STPG2: variants seen among roughly 807,000 people sequenced by gnomAD.
STPG2 encodes the protein sperm tail PG-rich repeat containing 2, also known as sperm-tail PG-rich repeat-containing protein 2.
A neutral mutation model predicts 54.2 loss-of-function variants in STPG2; 56 were observed. The ratio of observed to expected loss-of-function variants is 1.03; its 90% CI spans 0.83 to 1.29. The LOEUF (loss-of-function observed/expected upper bound fraction) is 1.29. STPG2 is among the 50% of genes most tolerant of loss of function. The pLI is 0.00. For synonymous variants in STPG2, 200 were observed against 181.8 expected, an observed-to-expected ratio of 1.10 and a Z score of -0.81; for missense variants, 596 against 544.9, an observed-to-expected ratio of 1.09 and a Z score of -0.93.
chr4:98,121,993 T>G (rs1213260718), intron 3 of STPG2, among the ~76,000 whole-genome samples: 1 of 152,180 alleles, frequency 6.6e-6, no homozygotes, highest in Non-Finnish European at 1.5e-5. Flanking sequence ...GTGCTGGGAC[T>G]ACAAGCGTGA....
At chr4:98,084,542 C>T (rs1738448753) in intron 5 of STPG2, among the ~76,000 whole-genome samples, 1 of 152,140 alleles carries the variant, frequency 6.6e-6, no homozygotes, top group Non-Finnish European at 1.5e-5. Context: ...CCAAATTTTT[C>T]CAGAGTGAGT....
chr4:97,758,361 T>C (rs1725791978), intron 9 of STPG2, among the ~76,000 whole-genome samples: 1 of 152,070 alleles, frequency 6.6e-6, no homozygotes, highest in African/African-American at 2.4e-5. Context: ...AGCAAAGACT[T>C]GGAACCAACC....
chr4:98,128,799 G>A (rs556472288), intron 2 of STPG2, among the ~76,000 whole-genome samples: 13 of 152,034 alleles, frequency 8.6e-5, no homozygotes, highest in African/African-American at 2.9e-4. Context: ...GTACAATCTT[G>A]GCTCACTGCA....
chr4:97,830,615 G>A (rs763374385), intron 9 of STPG2, among the ~76,000 whole-genome samples: 3 of 152,114 alleles, frequency 2.0e-5, no homozygotes, highest in African/African-American at 7.2e-5. Context: ...TTGGTGTGTT[G>A]TATTCAGGAG....
rs926291973 is a variant in STPG2, at chr4:97,595,789, G to A, written c.1321-36672C>T. On this transcript the variant is annotated intron_variant, in intron 10 of 10. Coordinates refer to ENST00000295268, the MANE Select transcript of STPG2 (RefSeq NM_174952.3). The stretch of plus-strand genomic sequence containing the variant: ...GGAGGTGCTCAGTATAAAAATGAAA[G>A]ACAATTACTTGCCACCACAAAAACA... 2.6e-5 allele frequency among the ~76,000 whole-genome samples: 4 copies of A among 152,008 alleles called. No homozygotes were observed. In the East Asian group the frequency reaches 5.8e-4, roughly 22 times the overall value.
chr4:97,916,293 G>A (rs1025912958), intron 8 of STPG2: 1 of 152,596 alleles, frequency 6.6e-6, no homozygotes, highest in Non-Finnish European at 1.5e-5. Flanking sequence ...ATCAGGTTTT[G>A]GGGAAATATG....
At chr4:97,931,932 G>T (rs1278818904) in intron 8 of STPG2, among the ~76,000 whole-genome samples, 1 of 151,954 alleles carries the variant, frequency 6.6e-6, no homozygotes, top group Non-Finnish European at 1.5e-5. Flanking sequence ...CTCATTATTG[G>T]TCTGTGCAGG....
chr4:97,603,856 A>T (rs1304572647), intron 10 of STPG2, among the ~76,000 whole-genome samples: 1 of 151,620 alleles, frequency 6.6e-6, no homozygotes, highest in Non-Finnish European at 1.5e-5. Flanking sequence ...TGAGTTGCTT[A>T]ATGGATATAA....
chr4:98,020,997 G>GT (rs1053721587), intron 5 of STPG2, among the ~76,000 whole-genome samples: 21 of 152,130 alleles, frequency 1.4e-4, no homozygotes, highest in African/African-American at 5.1e-4. Flanking sequence ...TCTTTGAAGG[G>GT]TTTTTTGTGT....
At chr4:97,705,510 G>A (rs1397522487) in intron 10 of STPG2, among the ~76,000 whole-genome samples, 3 of 151,784 alleles carry the variant, frequency 2.0e-5, no homozygotes, top group South Asian at 2.1e-4. Context: ...ATCTTTAGTC[G>A]AGACGGGGTT....
intron 9 of STPG2, among the ~76,000 whole-genome samples, chr4:97,822,135 C>T (rs1274396897): frequency 6.6e-6 from 1 of 152,124 alleles, no homozygotes; most frequent in African/African-American, 2.4e-5. Flanking sequence ...CTTTTTTGCT[C>T]CTGCATCTGA....
chr4:97,607,233 A>G (rs1358130695), intron 10 of STPG2, among the ~76,000 whole-genome samples: 1 of 151,628 alleles, frequency 6.6e-6, no homozygotes, highest in Non-Finnish European at 1.5e-5. Flanking sequence ...CCAATGCCTC[A>G]GAATATTTTA....
intron 5 of STPG2, among the ~76,000 whole-genome samples, chr4:98,056,138 G>A (rs1027419671): frequency 1.3e-5 from 2 of 152,112 alleles, no homozygotes; most frequent in East Asian, 3.9e-4. Context: ...CTATTGCAGA[G>A]GAAGCCTTGG....
intron 8 of STPG2, among the ~76,000 whole-genome samples, chr4:97,860,957 C>G (rs11938937): frequency 0.16 from 24,547 of 151,976 alleles, 2,151 homozygotes; most frequent in East Asian, 0.36. Flanking sequence ...TGAGTAATAC[C>G]CTACAAGCAC....
Position 97,600,633 on chromosome 4 carries a change from C to A in STPG2, c.1321-41516G>T, listed in dbSNP as rs185837593. On this transcript the variant is annotated intron_variant, in intron 10 of 10. Coordinates refer to ENST00000295268, the MANE Select transcript of STPG2 (RefSeq NM_174952.3). ...TTATCTGTGGATGACACTGTGTGAG[C>A]AAACTAATGAGGCAGTGTCTAGAAG... is the stretch of plus-strand genomic sequence containing the variant. Among the ~76,000 whole-genome samples the A allele has an allele frequency of 8.9e-4, 136 of 152,058 alleles. 1 individual carries two copies. Among genetic ancestry groups the A allele is most frequent in the Admixed American group, 8.8e-3 (135 of 15,282 alleles).
intron 5 of STPG2, among the ~76,000 whole-genome samples, chr4:98,021,039 GT>G (rs1353963919): frequency 6.6e-6 from 1 of 152,046 alleles, no homozygotes; most frequent in Non-Finnish European, 1.5e-5. Flanking sequence ...TCTGATTTTA[GT>G]TATTTCTTGC....
At chr4:97,506,510 C>T (rs949720377) in intron 4 of STPG2, among the ~76,000 whole-genome samples, 5 of 150,718 alleles carry the variant, frequency 3.3e-5, no homozygotes, top group Non-Finnish European at 7.4e-5. Flanking sequence ...ATTCTTTAGG[C>T]AGAAATAAAA....
chr4:97,784,894 G>T (rs781128514), intron 9 of STPG2, among the ~76,000 whole-genome samples: 2 of 151,912 alleles, frequency 1.3e-5, no homozygotes, highest in Non-Finnish European at 2.9e-5. Context: ...AGTCTTATGA[G>T]AATTACATCT....
intron 4 of STPG2, among the ~76,000 whole-genome samples, chr4:97,505,430 G>T (rs1730822761): frequency 6.6e-6 from 1 of 151,898 alleles, no homozygotes; most frequent in Non-Finnish European, 1.5e-5. Flanking sequence ...TGGGGATATT[G>T]ATTATTGAAA....
Sources: allele counts gnomAD v4.1 joint callset (sites outside exome capture counted in the v4.1 genomes callset), GRCh38; gene constraint gnomAD v4.1.1; transcripts MANE v1.5; gene names NCBI Gene and HGNC (gene_info 2026-07-23, HGNC 2026-07-21).